The following TXNDC16 variants were observed in gnomAD, a reference collection of about 807,000 sequenced individuals.
The protein encoded by TXNDC16 is thioredoxin domain containing 16.
A neutral mutation model predicts 85.6 loss-of-function variants in TXNDC16; 74 were observed. The observed-to-expected ratio is 0.86, with a 90% CI of 0.72 to 1.05. TXNDC16 has a LOEUF of 1.05. Ranked by LOEUF, TXNDC16 falls within the 50% of genes least tolerant of loss-of-function variation. The probability of loss-of-function intolerance (pLI) is 0.00; values close to 1 mark genes in which losing one functional copy is unlikely to be tolerated. For synonymous variants in TXNDC16, 335 were observed against 326.5 expected, an observed-to-expected ratio of 1.03 and a Z score of -0.28; for missense variants, 959 against 947.0, an observed-to-expected ratio of 1.01 and a Z score of -0.17.
rs1281565411 is a variant in TXNDC16 at position 52,517,328 on chromosome 14, G to A, written c.514+1844C>T. On this transcript the variant is annotated intron_variant, in intron 7 of 20. Coordinates refer to ENST00000281741, the MANE Select transcript of TXNDC16 (RefSeq NM_020784.3). ...AAACATAGCTGGGGAGAGGGGGAGG[G>A]AAGCCAAAACAAGCTAGCATCACCA... Among the ~76,000 whole-genome samples, 3 of 152,192 alleles carry A rather than the reference G, an allele frequency of 2.0e-5. No individual in the cohort carries two copies. In the East Asian group the frequency reaches 5.8e-4, roughly 29 times the overall value.
intron 9 of TXNDC16, among the ~76,000 whole-genome samples, chr14:52,504,944 T>G (rs1281835375): frequency 6.6e-6 from 1 of 152,220 alleles, no homozygotes; most frequent in Non-Finnish European, 1.5e-5. Context: ...AAACAGACTT[T>G]AAACCAACAA....
rs535276734 is a variant in TXNDC16 at position 52,454,425 on chromosome 14, TA to T, written c.1842+898del. On this transcript the variant is annotated intron_variant, in intron 18 of 20. Transcript: ENST00000281741. ...TGGGTGACGGAAGTGAAACTCTGTC[TA>T]AAAAAAAAAAAAAAACAAAAGCTCA... 7.5e-3 allele frequency among the ~76,000 whole-genome samples: 903 copies of T among 120,178 alleles called. 16 individuals carry two copies. Among genetic ancestry groups the T allele is most frequent in the Admixed American group, 0.049 (581 of 11,866 alleles). 78.8% of individuals were successfully genotyped at this position (120,178 alleles called of 152,430 possible).
intron 18 of TXNDC16, among the ~76,000 whole-genome samples, chr14:52,446,115 G>C (rs992395730): frequency 6.6e-6 from 1 of 152,204 alleles, no homozygotes; most frequent in Non-Finnish European, 1.5e-5. Flanking sequence ...AATCAGGTGA[G>C]TACTCACAGT....
rs538190716 is a variant in TXNDC16 at position 52,485,974 on chromosome 14, A to T, written c.1108+2389T>A. 4.6e-5 allele frequency among the ~76,000 whole-genome samples: 7 copies of T among 152,286 alleles called. No individual in the cohort carries two copies. The South Asian group carries it at 1.4e-3, about 32-fold the overall frequency. ...CATAACTCTCTGGGCCTCAATGTTC[A>T]ACTCTTGTGAAGCATGAGAGTTGCA... On this transcript the variant is annotated intron_variant, in intron 12 of 20. Transcript: ENST00000281741.
At chr14:52,441,426 T>A (rs1263602520) in intron 18 of TXNDC16, among the ~76,000 whole-genome samples, 1 of 152,008 alleles carries the variant, frequency 6.6e-6, no homozygotes, top group Non-Finnish European at 1.5e-5. Flanking sequence ...CTCACCAACA[T>A]GGCAAAACCC....
chr14:52,506,011 A>G (rs2036789718), intron 9 of TXNDC16, among the ~76,000 whole-genome samples: 1 of 152,240 alleles, frequency 6.6e-6, no homozygotes, highest in African/African-American at 2.4e-5. Flanking sequence ...GACTCTCCTA[A>G]GACTAAACCA....
intron 20 of TXNDC16, among the ~76,000 whole-genome samples, chr14:52,433,981 C>G (rs1174335380): frequency 6.6e-6 from 1 of 152,094 alleles, no homozygotes; most frequent in African/African-American, 2.4e-5. Flanking sequence ...GAGTTCAAAA[C>G]CAGCCTGGGC....
In TXNDC16 at chr14:52,514,765, G is replaced by T. The variant is rs111299323; in HGVS notation, c.605+115C>A. 459 of 704,542 alleles carry T rather than the reference G, an allele frequency of 6.5e-4. 2 individuals carry two copies. The highest frequency in any genetic ancestry group is 1.0e-3 in the Non-Finnish European group (418 of 417,490). 43.6% of individuals were successfully genotyped at this position (704,542 alleles called of 1,614,324 possible). ...CATTTATATATTCACATCTGCTATGGTTCCTTTATCTAAGCCCATGCTGTG... is the reference window on the plus strand; with the variant it reads ...CATTTATATATTCACATCTGCTATGTTTCCTTTATCTAAGCCCATGCTGTG... On this transcript the variant is annotated intron_variant, in intron 8 of 20. Transcript: ENST00000281741.
chr14:52,452,520 A>G (rs1715031223), intron 18 of TXNDC16, among the ~76,000 whole-genome samples: 2 of 152,218 alleles, frequency 1.3e-5, no homozygotes, highest in Admixed American at 1.3e-4. Flanking sequence ...GAATGCAGAA[A>G]TAAATCTGTA....
intron 12 of TXNDC16, among the ~76,000 whole-genome samples, chr14:52,485,862 G>A (rs1263577856): frequency 6.6e-6 from 1 of 152,104 alleles, no homozygotes; most frequent in African/African-American, 2.4e-5. Flanking sequence ...TCATCGTTAG[G>A]AGACACATGA....
At chr14:52,442,680 T>C (rs2035194259) in intron 18 of TXNDC16, among the ~76,000 whole-genome samples, 1 of 152,170 alleles carries the variant, frequency 6.6e-6, no homozygotes, top group Non-Finnish European at 1.5e-5. Context: ...TGCTGTCTTC[T>C]TGTGTTAGCT....
Position 52,457,260 on chromosome 14 carries a change from T to A in TXNDC16, c.1619-86A>T, listed in dbSNP as rs74994066. On this transcript the variant is annotated intron_variant, in intron 16 of 20. Transcript: ENST00000281741. ...TGATGAAGAGATTTATAGGTGGTAGTATTTCATTATTAATTAATTACAAAA... is the reference window on the plus strand; with the variant it reads ...TGATGAAGAGATTTATAGGTGGTAGAATTTCATTATTAATTAATTACAAAA... 2,698 of 663,228 alleles carry A rather than the reference T, an allele frequency of 4.1e-3. 60 individuals carry two copies. In the African/African-American group the frequency reaches 0.046, roughly 11 times the overall value. 41.1% of individuals were successfully genotyped at this position (663,228 alleles called of 1,614,324 possible). A position where few individuals can be genotyped will look rare whatever the true frequency, so the allele number is the denominator to read the frequency against.
intron 20 of TXNDC16, among the ~76,000 whole-genome samples, chr14:52,433,093 T>C (rs1273700409): frequency 6.6e-6 from 1 of 152,184 alleles, no homozygotes; most frequent in East Asian, 1.9e-4. Flanking sequence ...GCATTTTCTG[T>C]TCTTGAAGCT....
rs753502885 is a variant in TXNDC16 at position 52,537,629 on chromosome 14, T to C, written c.287A>G (p.Glu96Gly). ...TAAATATGCTTTCATCAAATCCTTTTCTTTTCCACAGTATCTTGATATTTC... is the reference window on the plus strand; with the variant it reads ...TAAATATGCTTTCATCAAATCCTTTCCTTTTCCACAGTATCTTGATATTTC... ...KEEISRYCGKEKDLMKAYLFK... is the reference protein window; with the variant it reads ...KEEISRYCGKGKDLMKAYLFK... Residue 96 changes from glutamate (E) to glycine (G), a missense_variant, in exon 5 of 21, where the codon GAA becomes GGA. Glu to Gly is a moderately conservative substitution (Grantham distance 98). Coordinates refer to ENST00000281741, the MANE Select transcript of TXNDC16 (RefSeq NM_020784.3). 3 of 1,594,762 alleles carry C rather than the reference T, an allele frequency of 1.9e-6. No homozygotes were observed. The South Asian group carries it at 3.3e-5, about 18-fold the overall frequency.
At chr14:52,439,462 G>T in intron 19 of TXNDC16, 68 bp from the exon 20 acceptor site, 1 of 1,378,400 alleles carries the variant, frequency 7.3e-7, no homozygotes, top group Non-Finnish European at 9.8e-7. Context: ...ATAGTAATTC[G>T]TAGAACATTA....
chr14:52,506,176 A>G (rs1215363416), intron 9 of TXNDC16, among the ~76,000 whole-genome samples: 1 of 152,202 alleles, frequency 6.6e-6, no homozygotes, highest in Non-Finnish European at 1.5e-5. Context: ...TGCTTCTGAA[A>G]CTATTCCAAT....
chr14:52,499,787 A>T (rs1187050113), intron 9 of TXNDC16, among the ~76,000 whole-genome samples: 1 of 152,004 alleles, frequency 6.6e-6, no homozygotes, highest in Non-Finnish European at 1.5e-5. Context: ...ATATACCAAA[A>T]TCCATAAATG....
intron 3 of TXNDC16, 56 bp from the exon 4 acceptor site, chr14:52,542,509 TAAA>T: frequency 7.9e-7 from 1 of 1,268,896 alleles, no homozygotes; most frequent in Non-Finnish European, 1.1e-6. Context: ...AAATGAATTT[TAAA>T]ATCTGCAAAC....
intron 6 of TXNDC16, among the ~76,000 whole-genome samples, chr14:52,530,160 A>T (rs2037470371): frequency 1.1e-5 from 1 of 87,214 alleles, no homozygotes; most frequent in Non-Finnish European, 1.9e-5. Flanking sequence ...TATATAATTT[A>T]TATATATTAT....
Sources: gnomAD v4.1 joint callset for allele counts (sites outside exome capture counted in the v4.1 genomes callset) on GRCh38, gnomAD v4.1.1 for gene constraint, MANE v1.5 for transcripts, NCBI Gene and HGNC (gene_info 2026-07-23, HGNC 2026-07-21) for gene names.